The following ARHGAP42 variants were observed in gnomAD, a reference collection of about 807,000 sequenced individuals.
ARHGAP42 encodes Rho GTPase activating protein 42.
In ARHGAP42, 63 loss-of-function variants were observed where a neutral mutation model predicts 125.0. The observed-to-expected ratio is 0.50, with a 90% confidence interval of 0.41 to 0.62. The LOEUF (loss-of-function observed/expected upper bound fraction) is 0.62. ARHGAP42 is among the 20% of genes least tolerant of loss of function. The probability of loss-of-function intolerance (pLI) is 0.00; values close to 1 mark genes in which losing one functional copy is unlikely to be tolerated. For missense variants in ARHGAP42, 766 were observed against 1,024.2 expected (o/e 0.75, Z 3.44); for synonymous variants, 339 against 351.0 (o/e 0.97, Z 0.38).
chr11:100,920,331 C>T (rs772491568), intron 5 of ARHGAP42, among the ~76,000 whole-genome samples: 5 of 152,080 alleles, frequency 3.3e-5, no homozygotes, highest in Non-Finnish European at 7.4e-5. Flanking sequence ...GCACCTACTC[C>T]CTGCATAGTT....
chr11:100,947,033 T>C (rs933957220), intron 10 of ARHGAP42, among the ~76,000 whole-genome samples: 2 of 151,086 alleles, frequency 1.3e-5, no homozygotes, highest in Non-Finnish European at 3.0e-5. Flanking sequence ...TGTGTTCTTA[T>C]GATTTTTAAG....
At chr11:100,919,124 A>G (rs1221516019) in intron 5 of ARHGAP42, among the ~76,000 whole-genome samples, 1 of 34,762 alleles carries the variant, frequency 2.9e-5, no homozygotes, top group Non-Finnish European at 4.8e-5. Flanking sequence ...CACTCAGAGC[A>G]TGCTCAATTC....
chr11:100,901,199 T>G (rs1200620019), intron 4 of ARHGAP42, among the ~76,000 whole-genome samples: 1 of 152,228 alleles, frequency 6.6e-6, no homozygotes, highest in Non-Finnish European at 1.5e-5. Context: ...CAGACCCTGT[T>G]TGCCTGGGTA....
chr11:100,960,080 T>C (rs957459099), intron 13 of ARHGAP42, 135 bp downstream of exon 13: 14 of 763,390 alleles, frequency 1.8e-5, no homozygotes, highest in African/African-American at 3.5e-5. Context: ...TATAAATGTA[T>C]GTATCGGTAT....
Position 100,913,442 on chromosome 11 carries a change from T to C in ARHGAP42, c.385-10T>C, listed in dbSNP as rs1710264216. On this transcript the variant is annotated splice_polypyrimidine_tract_variant and intron_variant, in intron 4 of 23. Coordinates refer to ENST00000298815, the MANE Select transcript of ARHGAP42 (RefSeq NM_152432.4). Reference sequence around the variant, plus strand: ...GTTAAATATTTTTTGTTGTTATTGCTCTCCTTTAGGATGGAAAGAAGAAGT... The same window carrying C: ...GTTAAATATTTTTTGTTGTTATTGCCCTCCTTTAGGATGGAAAGAAGAAGT... 8.2e-7 allele frequency: 1 copy of C among 1,214,470 alleles called. No individual in the cohort carries two copies. The highest frequency in any genetic ancestry group is 1.1e-6 in the Non-Finnish European group (1 of 937,716). 75.2% of individuals were successfully genotyped at this position (1,214,470 alleles called of 1,614,324 possible).
intron 1 of ARHGAP42, among the ~76,000 whole-genome samples, chr11:100,710,017 G>A (rs768372188): frequency 1.1e-4 from 17 of 152,214 alleles, no homozygotes; most frequent in East Asian, 1.9e-4. Context: ...AGCGGGGTCG[G>A]GGGGGCATCT....
intron 12 of ARHGAP42, among the ~76,000 whole-genome samples, chr11:100,954,264 G>A (rs1221633210): frequency 1.3e-5 from 2 of 152,120 alleles, no homozygotes; most frequent in South Asian, 2.1e-4. Flanking sequence ...CATGCAGTCA[G>A]TTCAAAAATA....
At chr11:100,861,265 A>C (rs1295792397) in intron 4 of ARHGAP42, among the ~76,000 whole-genome samples, 3 of 152,182 alleles carry the variant, frequency 2.0e-5, no homozygotes, top group Non-Finnish European at 4.4e-5. Context: ...TCGGGGAGGG[A>C]AGAGCCTGGC....
At chr11:100,915,817 G>A (rs916233484) in intron 5 of ARHGAP42, among the ~76,000 whole-genome samples, 2 of 152,038 alleles carry the variant, frequency 1.3e-5, no homozygotes, top group African/African-American at 4.8e-5. Flanking sequence ...AGCTTCCCAG[G>A]GTATATAATG....
At chr11:100,948,240 T>C (rs1451393453) in intron 10 of ARHGAP42, among the ~76,000 whole-genome samples, 3 of 152,132 alleles carry the variant, frequency 2.0e-5, no homozygotes, top group East Asian at 1.9e-4. Context: ...TCACCTGTGA[T>C]CATTAGAATT....
In ARHGAP42 at chr11:100,961,763, C is replaced by G; in HGVS notation, c.1380C>G (p.Tyr460Ter). Residue 460 changes from tyrosine (Y) to a stop codon, truncating the protein, a stop_gained, in exon 15 of 24, where the codon TAC becomes TAG. Coordinates refer to ENST00000298815, the MANE Select transcript of ARHGAP42 (RefSeq NM_152432.4). LOFTEE classifies it high-confidence loss of function. ...CGATAACAAGTGGGCTGAAAAACTACCTCAGGTGAGGAGGGTTTAACTCCT... is the reference window on the plus strand; with the variant it reads ...CGATAACAAGTGGGCTGAAAAACTAGCTCAGGTGAGGAGGGTTTAACTCCT... The part of the protein sequence containing the change: ...NKTITSGLKN[Y>*]LRCLAEPLMT... 6.4e-7 allele frequency: 1 copy of G among 1,551,306 alleles called. No individual in the cohort carries two copies. The highest frequency in any genetic ancestry group is 8.7e-7 in the Non-Finnish European group (1 of 1,146,540).
At chr11:100,827,395 G>T (rs1864545386) in intron 3 of ARHGAP42, among the ~76,000 whole-genome samples, 2 of 152,202 alleles carry the variant, frequency 1.3e-5, no homozygotes, top group Non-Finnish European at 2.9e-5. Flanking sequence ...GGTCATGGTA[G>T]TCTGGTATGC....
intron 3 of ARHGAP42, among the ~76,000 whole-genome samples, chr11:100,828,703 T>C (rs1297256068): frequency 6.6e-6 from 1 of 151,654 alleles, no homozygotes; most frequent in Non-Finnish European, 1.5e-5. Flanking sequence ...TTTTTTTTTT[T>C]TGGAGACAGG....
At chr11:100,867,463 C>T (rs1591252092) in intron 4 of ARHGAP42, among the ~76,000 whole-genome samples, 1 of 152,356 alleles carries the variant, frequency 6.6e-6, no homozygotes, top group Non-Finnish European at 1.5e-5. Context: ...GGCTACTTTT[C>T]TTCCCCATGA....
At chr11:100,976,484 C>T (rs1409009822) in intron 20 of ARHGAP42, 47 bp downstream of exon 20, 2 of 1,478,662 alleles carry the variant, frequency 1.4e-6, no homozygotes, top group Non-Finnish European at 9.0e-7. Flanking sequence ...CTCAGTGTCA[C>T]TTGTGCTGGA....
At chr11:100,785,998 T>C (rs1266967961) in intron 2 of ARHGAP42, among the ~76,000 whole-genome samples, 1 of 152,228 alleles carries the variant, frequency 6.6e-6, no homozygotes, top group Non-Finnish European at 1.5e-5. Flanking sequence ...GCTGATGGAT[T>C]GTCCTTTTTT....
At chr11:100,924,234 T>A (rs570261637) in intron 6 of ARHGAP42, among the ~76,000 whole-genome samples, 3 of 152,072 alleles carry the variant, frequency 2.0e-5, no homozygotes, top group Admixed American at 2.0e-4. Flanking sequence ...AAAGAAAATA[T>A]GAACAGGGGA....
At chr11:100,689,415 A>G (rs1026383213) in intron 1 of ARHGAP42, among the ~76,000 whole-genome samples, 5 of 152,208 alleles carry the variant, frequency 3.3e-5, no homozygotes, top group African/African-American at 1.2e-4. Context: ...GGTGCCAGAT[A>G]TTCTACATTT....
chr11:100,701,393 C>T (rs1298634619), intron 1 of ARHGAP42, among the ~76,000 whole-genome samples: 1 of 152,202 alleles, frequency 6.6e-6, no homozygotes, highest in African/African-American at 2.4e-5. Context: ...ACATTGACTT[C>T]TCCTCTGTAG....
Sources: gnomAD v4.1 joint callset for allele counts (sites outside exome capture counted in the v4.1 genomes callset) on GRCh38, gnomAD v4.1.1 for gene constraint, MANE v1.5 for transcripts, NCBI Gene and HGNC (gene_info 2026-07-23, HGNC 2026-07-21) for gene names.